The following XYLT1 variants were observed in gnomAD, a reference collection of about 807,000 sequenced individuals.
XYLT1 encodes the protein beta-D-xylosyltransferase 1.
In XYLT1, 36 loss-of-function variants were observed where a neutral mutation model predicts 91.3. The observed-to-expected ratio is 0.39, with a 90% CI of 0.30 to 0.52. XYLT1 has a LOEUF of 0.52. XYLT1 is among the 20% of genes least tolerant of loss of function. XYLT1 has a pLI of 0.68. For missense variants in XYLT1, 1,242 were observed against 1,284.5 expected, an observed-to-expected ratio of 0.97 and a Z score of 0.51; for synonymous variants, 588 against 532.0, an observed-to-expected ratio of 1.11 and a Z score of -1.45.
rs1046261064 is a variant in XYLT1, at chr16:17,127,819, G to C, written c.2070C>G (p.Phe690Leu). 13 of 1,614,118 alleles carry C rather than the reference G, an allele frequency of 8.1e-6. No homozygotes were observed. Among genetic ancestry groups the C allele is most frequent in the South Asian group, 4.4e-5 (4 of 91,078 alleles). The stretch of plus-strand genomic sequence containing the variant: ...GAAAGCCCTGGAAGCGGTCAGCAAG[G>C]AAGTAGAGGTGCACAGATGCTGGGT... The part of the protein sequence containing the change: ...MGHPASVHLY[F>L]LADRFQGFLI... The change falls in exon 10 of 12, where the codon TTC (phenylalanine) becomes TTG (leucine). Residue 690 changes from phenylalanine (F) to leucine (L), a missense_variant. Physicochemically the swap from Phe to Leu is conservative, Grantham distance 22. Transcript: ENST00000261381.
At chr16:17,184,436 T>A (rs2032138728) in intron 5 of XYLT1, among the ~76,000 whole-genome samples, 1 of 152,206 alleles carries the variant, frequency 6.6e-6, no homozygotes, top group Non-Finnish European at 1.5e-5. Context: ...CTGTACTATT[T>A]AGCCTGGACT....
At chr16:17,307,461 A>G (rs2034485948) in intron 2 of XYLT1, among the ~76,000 whole-genome samples, 1 of 152,194 alleles carries the variant, frequency 6.6e-6, no homozygotes, top group African/African-American at 2.4e-5. Context: ...AGTCATCTCT[A>G]TTTTATTTAT....
chr16:17,144,426 C>T (rs575253705), intron 6 of XYLT1, among the ~76,000 whole-genome samples: 94 of 152,044 alleles, frequency 6.2e-4, no homozygotes, highest in Admixed American at 1.1e-3. Context: ...AAATGAGTTT[C>T]GAGGAACTTC....
chr16:17,416,117 C>T (rs1250227677), intron 1 of XYLT1, among the ~76,000 whole-genome samples: 1 of 152,220 alleles, frequency 6.6e-6, no homozygotes, highest in African/African-American at 2.4e-5. Context: ...CGCTGTCCTG[C>T]ACTCTGTAGA....
intron 6 of XYLT1, among the ~76,000 whole-genome samples, chr16:17,148,953 C>T (rs1186840787): frequency 3.3e-5 from 5 of 152,220 alleles, no homozygotes; most frequent in African/African-American, 4.8e-5. Flanking sequence ...TTCAGTTTTA[C>T]TTCCTAGGCT....
intron 3 of XYLT1, among the ~76,000 whole-genome samples, chr16:17,254,996 C>CTTTTTTTTTTTTTT (rs34553607): frequency 1.8e-4 from 20 of 113,346 alleles, no homozygotes; most frequent in East Asian, 4.5e-4. Flanking sequence ...TTTTCTTTTT[C>CTTTTTTTTTTTTTT]TTTTTTTTTT....
chr16:17,389,170 T>C (rs2141890734), intron 1 of XYLT1, among the ~76,000 whole-genome samples: 1 of 152,324 alleles, frequency 6.6e-6, no homozygotes, highest in Non-Finnish European at 1.5e-5. Flanking sequence ...AATTCAGCAT[T>C]GTTGATCCCC....
At chr16:17,289,846 A>T (rs77209115) in intron 2 of XYLT1, among the ~76,000 whole-genome samples, 3,066 of 152,334 alleles carry the variant, frequency 0.02, 116 homozygotes, top group African/African-American at 0.069. Flanking sequence ...GAGCTGTTTC[A>T]TGATCCCACA....
chr16:17,390,515 A>T (rs73525171), intron 1 of XYLT1, among the ~76,000 whole-genome samples: 2,890 of 152,292 alleles, frequency 0.019, 101 homozygotes, highest in African/African-American at 0.066. Context: ...AGAACTTGAA[A>T]CTGCCTTTGC....
chr16:17,281,239 C>T (rs557102727), intron 2 of XYLT1, among the ~76,000 whole-genome samples: 64 of 152,112 alleles, frequency 4.2e-4, no homozygotes, highest in Non-Finnish European at 8.4e-4. Flanking sequence ...TGCCCGGTCA[C>T]GCCCGGGGTT....
intron 1 of XYLT1, among the ~76,000 whole-genome samples, chr16:17,456,332 C>CTTTT (rs869026409): frequency 4.4e-5 from 5 of 114,172 alleles, no homozygotes; most frequent in Admixed American, 9.2e-5. Flanking sequence ...CAGTACAAAC[C>CTTTT]TTTTTTTTTT....
At chr16:17,198,161 G>T in intron 5 of XYLT1, 51 bp downstream of exon 5, 1 of 1,600,036 alleles carries the variant, frequency 6.2e-7, no homozygotes. Context: ...GCCATGACCA[G>T]CCAGAGCAGG....
At chr16:17,434,929 T>C (rs1052928903) in intron 1 of XYLT1, among the ~76,000 whole-genome samples, 1 of 150,756 alleles carries the variant, frequency 6.6e-6, no homozygotes, top group Non-Finnish European at 1.5e-5. Context: ...AACACAGGTG[T>C]GGAGTTTTAA....
At chr16:17,423,369 C>T (rs1450987421) in intron 1 of XYLT1, among the ~76,000 whole-genome samples, 1 of 151,002 alleles carries the variant, frequency 6.6e-6, no homozygotes, top group Non-Finnish European at 1.5e-5. Context: ...CTCCCTGTGG[C>T]CTTCCAACAA....
At chr16:17,419,253 G>A (rs1357168834) in intron 1 of XYLT1, among the ~76,000 whole-genome samples, 1 of 151,794 alleles carries the variant, frequency 6.6e-6, no homozygotes, top group Non-Finnish European at 1.5e-5. Context: ...GAGGTGGAAG[G>A]CTCGCTTGAG....
At chr16:17,197,513 C>A (rs891995198) in intron 5 of XYLT1, among the ~76,000 whole-genome samples, 1 of 152,108 alleles carries the variant, frequency 6.6e-6, no homozygotes. Context: ...TGTTTCTGGC[C>A]ATGTCTGTGA....
At chr16:17,130,217 C>T (rs1487207294) in intron 9 of XYLT1, among the ~76,000 whole-genome samples, 1 of 152,258 alleles carries the variant, frequency 6.6e-6, no homozygotes, top group Non-Finnish European at 1.5e-5. Flanking sequence ...GGGAGCAAGG[C>T]CTGCCCATAC....
At chr16:17,309,014 G>A (rs2034506388) in intron 2 of XYLT1, among the ~76,000 whole-genome samples, 2 of 152,052 alleles carry the variant, frequency 1.3e-5, no homozygotes, top group Non-Finnish European at 2.9e-5. Flanking sequence ...AAAGGTTCAA[G>A]GAAAAACAAA....
At chr16:17,161,671 TCG>T (rs933290867) in intron 5 of XYLT1, among the ~76,000 whole-genome samples, 76 of 94,412 alleles carry the variant, frequency 8.0e-4, no homozygotes, top group African/African-American at 1.7e-3. Context: ...TTCCAGTTTC[TCG>T]CGCGCTCTCT....
Sources: allele counts gnomAD v4.1 joint callset (sites outside exome capture counted in the v4.1 genomes callset), GRCh38; gene constraint gnomAD v4.1.1; transcripts MANE v1.5; gene names NCBI Gene and HGNC (gene_info 2026-07-23, HGNC 2026-07-21).